Variants in BEND6 observed in about 807,000 individuals in gnomAD.
BEND6 encodes BEN domain containing 6.
In BEND6, 24 loss-of-function variants were observed where a neutral mutation model predicts 31.8. The observed-to-expected ratio is 0.75, with a 90% confidence interval of 0.55 to 1.06. The LOEUF is 1.06. Ranked by LOEUF, BEND6 falls within the 50% of genes least tolerant of loss-of-function variation. The pLI is 0.00. For synonymous variants in BEND6, 109 were observed against 114.6 expected (o/e 0.95, Z 0.31); for missense variants, 294 against 327.4 (o/e 0.90, Z 0.79).
At chr6:56,968,727 T>A (rs186904272) in intron 1 of BEND6, among the ~76,000 whole-genome samples, 10 of 152,198 alleles carry the variant, frequency 6.6e-5, no homozygotes, top group Admixed American at 6.5e-5. Flanking sequence ...ACCATTTTTT[T>A]AATCATGATA....
At chr6:56,986,623 AGT>A (rs2127857387) in intron 2 of BEND6, among the ~76,000 whole-genome samples, 1 of 152,306 alleles carries the variant, frequency 6.6e-6, no homozygotes, top group African/African-American at 2.4e-5. Context: ...AGTGTAAAAC[AGT>A]CTTTTTGAGT....
At chr6:56,978,272 G>C (rs1825958977) in intron 1 of BEND6, among the ~76,000 whole-genome samples, 1 of 151,994 alleles carries the variant, frequency 6.6e-6, no homozygotes, top group Non-Finnish European at 1.5e-5. Context: ...GAGAGAGCAA[G>C]ACCCTGTCTA....
chr6:57,026,897 T>TAAC lies in BEND6; in HGVS notation c.*827_*829dup, dbSNP rs1458169074. 6.6e-6 allele frequency: 1 copy of TAAC among 152,218 alleles called. No individual in the cohort carries two copies. The highest frequency in any genetic ancestry group is 1.5e-5 in the Non-Finnish European group (1 of 68,034). The allele number at this position is 152,218 out of a possible 1,614,324, so 9.4% of individuals were successfully genotyped here. On this transcript the variant is annotated 3_prime_UTR_variant, in exon 7 of 7. Transcript: ENST00000370746. The stretch of plus-strand genomic sequence containing the variant: ...TGTAATATAAAGCATCAATATCACC[T>TAAC]AACACATCGTATATAAGATATAACA...
intron 1 of BEND6, among the ~76,000 whole-genome samples, chr6:56,967,396 A>C (rs1030020654): frequency 6.6e-6 from 1 of 152,196 alleles, no homozygotes; most frequent in African/African-American, 2.4e-5. Context: ...AGAGGGGCAC[A>C]TGAAATCTGA....
intron 3 of BEND6, among the ~76,000 whole-genome samples, chr6:57,013,426 C>T (rs115243370): frequency 1.9e-3 from 296 of 152,290 alleles, no homozygotes; most frequent in Non-Finnish European, 3.5e-3. Flanking sequence ...AGGAAGCTCA[C>T]CAGAGCTCTA....
At chr6:56,999,443 C>T (rs950890557) in intron 3 of BEND6, among the ~76,000 whole-genome samples, 1 of 152,260 alleles carries the variant, frequency 6.6e-6, no homozygotes, top group Non-Finnish European at 1.5e-5. Flanking sequence ...CTATTGCACT[C>T]ACTTTCCTGG....
At chr6:57,021,040 A>G (rs1236777719) in intron 6 of BEND6, among the ~76,000 whole-genome samples, 2 of 152,184 alleles carry the variant, frequency 1.3e-5, no homozygotes, top group Non-Finnish European at 2.9e-5. Flanking sequence ...ACATTTTGCT[A>G]TGAACTTTGT....
intron 2 of BEND6, among the ~76,000 whole-genome samples, chr6:56,989,227 A>T (rs368210263): frequency 6.6e-6 from 1 of 151,010 alleles, no homozygotes; most frequent in Non-Finnish European, 1.5e-5. Flanking sequence ...TACATAAAGT[A>T]TACCATATTG....
intron 6 of BEND6, among the ~76,000 whole-genome samples, chr6:57,018,860 C>T (rs1041575574): frequency 2.0e-5 from 3 of 152,140 alleles, no homozygotes; most frequent in Non-Finnish European, 4.4e-5. Context: ...ATGTGTTTTA[C>T]TGAGGAAATT....
chr6:56,972,085 T>TA (rs201920996), intron 1 of BEND6, among the ~76,000 whole-genome samples: 2,141 of 129,220 alleles, frequency 0.017, 54 homozygotes, highest in Non-Finnish European at 0.026. Context: ...TACTTTACTT[T>TA]CTTTTTTTTT....
chr6:57,026,602 A>T lies in BEND6; in HGVS notation c.*530A>T, dbSNP rs1827910442. The stretch of plus-strand genomic sequence containing the variant: ...CAACAAAGTCAGCCCAAAATCTGAT[A>T]ATCATGTCTAACCAAGTAATAATGT... On this transcript the variant is annotated 3_prime_UTR_variant, in exon 7 of 7. Coordinates refer to ENST00000370746, the MANE Select transcript of BEND6 (RefSeq NM_152731.3). 6.6e-6 allele frequency: 1 copy of T among 152,248 alleles called. No individual in the cohort carries two copies. Among genetic ancestry groups the T allele is most frequent in the African/African-American group, 2.4e-5 (1 of 41,476 alleles). 9.4% of individuals were successfully genotyped at this position (152,248 alleles called of 1,614,324 possible). A position where few individuals can be genotyped will look rare whatever the true frequency, so the allele number is the denominator to read the frequency against.
intron 2 of BEND6, among the ~76,000 whole-genome samples, chr6:56,988,296 G>A (rs567242927): frequency 4.2e-4 from 64 of 152,078 alleles, no homozygotes; most frequent in South Asian, 2.7e-3. Context: ...GATTACAGGC[G>A]TGAGCCACCA....
chr6:57,003,144 G>C (rs758158892), intron 3 of BEND6, among the ~76,000 whole-genome samples: 24 of 152,074 alleles, frequency 1.6e-4, no homozygotes, highest in Admixed American at 3.3e-4. Context: ...ACTCTCCTAA[G>C]GTTGAACCAG....
At chr6:56,966,572 T>C (rs1825487092) in intron 1 of BEND6, among the ~76,000 whole-genome samples, 1 of 152,240 alleles carries the variant, frequency 6.6e-6, no homozygotes, top group Non-Finnish European at 1.5e-5. Context: ...GTTCTGCCTG[T>C]GCCTGCAGGC....
chr6:57,014,864 T>G (rs1827474935), intron 3 of BEND6, among the ~76,000 whole-genome samples: 1 of 152,188 alleles, frequency 6.6e-6, no homozygotes, highest in African/African-American at 2.4e-5. Context: ...TTTAAAACAT[T>G]CTTTTTAGTT....
intron 1 of BEND6, among the ~76,000 whole-genome samples, chr6:56,981,180 AT>A (rs979211672): frequency 6.0e-4 from 92 of 152,128 alleles, no homozygotes; most frequent in African/African-American, 2.1e-3. Context: ...TGCCCTTGAG[AT>A]TTTTCCCCCA....
chr6:56,972,728 A>G (rs1030062580), intron 1 of BEND6, among the ~76,000 whole-genome samples: 6 of 152,248 alleles, frequency 3.9e-5, no homozygotes. Flanking sequence ...ATAGAAATGT[A>G]TTAGTAAGCT....
At chr6:57,000,785 G>C (rs1016700036) in intron 3 of BEND6, among the ~76,000 whole-genome samples, 4 of 150,348 alleles carry the variant, frequency 2.7e-5, no homozygotes, top group African/African-American at 9.8e-5. Flanking sequence ...CCCACTTTCT[G>C]TGCTAGTTTT....
rs539621327 is a variant in BEND6, at chr6:57,007,392, T to A, written c.299-7741T>A. Among the ~76,000 whole-genome samples, 20 of 149,614 alleles carry A rather than the reference T, an allele frequency of 1.3e-4. No individual in the cohort carries two copies. In the East Asian group the frequency reaches 3.5e-3, roughly 26 times the overall value. ...TATGCAAAAATCAATTTGAAATGAA[T>A]CAAAGACCTAAATTTAAGACCCCAA... On this transcript the variant is annotated intron_variant, in intron 3 of 6. Transcript: ENST00000370746.
Sources: gnomAD v4.1 joint callset for allele counts (sites outside exome capture counted in the v4.1 genomes callset) on GRCh38, gnomAD v4.1.1 for gene constraint, MANE v1.5 for transcripts, NCBI Gene and HGNC (gene_info 2026-07-23, HGNC 2026-07-21) for gene names.